NCKAP5: variants seen among roughly 807,000 people sequenced by gnomAD.
NCKAP5 encodes nck-associated protein 5.
In NCKAP5, 92 loss-of-function variants were observed where a neutral mutation model predicts 167.0. That is an observed-to-expected ratio of 0.55 (90% CI 0.47 to 0.66). The LOEUF is 0.66. Ranked by LOEUF, NCKAP5 falls within the 30% of genes least tolerant of loss-of-function variation. The probability of loss-of-function intolerance (pLI) is 0.00; values close to 1 mark genes in which losing one functional copy is unlikely to be tolerated. For synonymous variants in NCKAP5, 891 were observed against 877.4 expected, an observed-to-expected ratio of 1.02 and a Z score of -0.27; for missense variants, 2,378 against 2,315.0, an observed-to-expected ratio of 1.03 and a Z score of -0.56.
chr2:133,449,321 T>G (rs2151192641), intron 3 of NCKAP5, among the ~76,000 whole-genome samples: 1 of 152,324 alleles, frequency 6.6e-6, no homozygotes, highest in Admixed American at 6.5e-5. Flanking sequence ...CCTTTTTCCT[T>G]CACTTTTAGC....
chr2:133,446,029 C>G (rs1412336918), intron 3 of NCKAP5, among the ~76,000 whole-genome samples: 2 of 152,190 alleles, frequency 1.3e-5, no homozygotes, highest in South Asian at 2.1e-4. Flanking sequence ...TTCCAGGGCA[C>G]TTGGCCATGT....
chr2:132,685,995 C>T (rs909603734), intron 19 of NCKAP5, among the ~76,000 whole-genome samples: 3 of 151,990 alleles, frequency 2.0e-5, no homozygotes, highest in Non-Finnish European at 4.4e-5. Context: ...GTGGGAGAGT[C>T]AGGAGGTGAG....
intron 2 of NCKAP5, among the ~76,000 whole-genome samples, chr2:133,538,897 G>GTT (rs144698429): frequency 7.3e-5 from 9 of 123,076 alleles, no homozygotes; most frequent in East Asian, 4.5e-4. Context: ...GATGTACCTA[G>GTT]TTTTTTTTTG....
At chr2:133,303,619 T>G (rs573147497) in intron 3 of NCKAP5, among the ~76,000 whole-genome samples, 5 of 151,322 alleles carry the variant, frequency 3.3e-5, no homozygotes, top group African/African-American at 7.4e-5. Flanking sequence ...ACTCCATATA[T>G]ACACACAAAA....
intron 4 of NCKAP5, among the ~76,000 whole-genome samples, chr2:133,227,123 G>A (rs1416053881): frequency 6.6e-6 from 1 of 152,230 alleles, no homozygotes; most frequent in Admixed American, 6.5e-5. Context: ...TGTCAAATAT[G>A]AAAATTTATA....
At chr2:133,230,937 T>C (rs984929199) in intron 4 of NCKAP5, among the ~76,000 whole-genome samples, 3 of 152,204 alleles carry the variant, frequency 2.0e-5, no homozygotes, top group Non-Finnish European at 4.4e-5. Flanking sequence ...ATAAAGCATC[T>C]TACCAATTAA....
chr2:133,584,250 C>G, the NCKAP5 span, among the ~76,000 whole-genome samples: 1 of 152,124 alleles, frequency 6.6e-6, no homozygotes, highest in South Asian at 2.1e-4. Flanking sequence ...AAAATATTCT[C>G]TTAAGAAAGC....
upstream of NCKAP5, among the ~76,000 whole-genome samples, chr2:133,568,832 G>A (rs1688740905): frequency 6.6e-6 from 1 of 152,106 alleles, no homozygotes. Flanking sequence ...ATGAATATAT[G>A]AATACTGGTT....
At chr2:133,492,405 G>T (rs1681547782) in intron 3 of NCKAP5, among the ~76,000 whole-genome samples, 1 of 152,186 alleles carries the variant, frequency 6.6e-6, no homozygotes, top group South Asian at 2.1e-4. Context: ...GCAGGTCTGT[G>T]GGTTCTTGCG....
At chr2:133,378,245 G>A (rs1393623366) in intron 3 of NCKAP5, among the ~76,000 whole-genome samples, 16 of 152,098 alleles carry the variant, frequency 1.1e-4, no homozygotes, top group Admixed American at 9.2e-4. Context: ...ATCCAAATGA[G>A]TGAAGTTTAG....
In NCKAP5 at chr2:132,725,639, T is replaced by C. The variant is rs1690380521; in HGVS notation, c.5701A>G (p.Ser1901Gly). 6.2e-7 allele frequency: 1 copy of C among 1,610,526 alleles called. No homozygotes were observed. Among genetic ancestry groups the C allele is most frequent in the Non-Finnish European group, 8.5e-7 (1 of 1,178,660 alleles). Residue 1901 changes from serine to glycine, a missense_variant, in exon 19 of 20, where the codon AGC (serine) becomes GGC (glycine). Ser to Gly is a moderately conservative substitution (Grantham distance 56). Around this residue, in one of 3 missense-constraint regions of NCKAP5, gnomAD observed 1,325 missense variants for 1,274.5 expected, o/e 1.04. Transcript: ENST00000409261. ...GRGQLVKALK[S>G]AAPEIETT ...CGCTGGTTGTTACCTGGGGCAGCGC[T>C]CTTCAGTGCTTTCACTAACTGTCCC...
At chr2:133,274,003 C>T (rs1429983262) in intron 4 of NCKAP5, among the ~76,000 whole-genome samples, 4 of 150,878 alleles carry the variant, frequency 2.7e-5, no homozygotes, top group African/African-American at 9.7e-5. Flanking sequence ...TATAACACGC[C>T]TTATATTAAA....
At chr2:133,270,373 C>T (rs967684276) in intron 4 of NCKAP5, among the ~76,000 whole-genome samples, 1 of 152,144 alleles carries the variant, frequency 6.6e-6, no homozygotes, top group Non-Finnish European at 1.5e-5. Context: ...ATGGAACTTT[C>T]CCATCTGAGA....
chr2:132,700,622 T>C (rs546619751), intron 19 of NCKAP5, among the ~76,000 whole-genome samples: 4 of 152,158 alleles, frequency 2.6e-5, no homozygotes, highest in African/African-American at 9.7e-5. Context: ...TTTGAAATGA[T>C]AGATTAATAT....
chr2:133,154,248 G>C (rs1341594508), intron 5 of NCKAP5, among the ~76,000 whole-genome samples: 5 of 152,014 alleles, frequency 3.3e-5, no homozygotes, highest in African/African-American at 1.2e-4. Flanking sequence ...TGATGAAATG[G>C]GCATCGCTTT....
At chr2:132,955,222 G>A (rs965285928) in intron 8 of NCKAP5, among the ~76,000 whole-genome samples, 2 of 152,180 alleles carry the variant, frequency 1.3e-5, no homozygotes, top group Non-Finnish European at 2.9e-5. Context: ...CCTCTCACTG[G>A]CAAGGAGACA....
At chr2:132,884,778 G>A (rs1692079857) in intron 8 of NCKAP5, among the ~76,000 whole-genome samples, 1 of 152,122 alleles carries the variant, frequency 6.6e-6, no homozygotes. Context: ...TACTTTAAAT[G>A]TCTTGGAAAA....
At chr2:133,180,252 T>A (rs1005968938) in intron 5 of NCKAP5, among the ~76,000 whole-genome samples, 2 of 152,134 alleles carry the variant, frequency 1.3e-5, no homozygotes, top group African/African-American at 2.4e-5. Flanking sequence ...AATCAAGACA[T>A]CTCAAATAAA....
At chr2:133,369,348 A>G (rs574223232) in intron 3 of NCKAP5, among the ~76,000 whole-genome samples, 59 of 152,258 alleles carry the variant, frequency 3.9e-4, no homozygotes, top group Non-Finnish European at 6.6e-4. Context: ...CAGAAGGCTG[A>G]GTCACAAAGA....
Sources: allele counts gnomAD v4.1 joint callset (sites outside exome capture counted in the v4.1 genomes callset), GRCh38; gene constraint gnomAD v4.1.1; regional missense constraint gnomAD v4.1.1; transcripts MANE v1.5; gene names NCBI Gene and HGNC (gene_info 2026-07-23, HGNC 2026-07-21).